Variants in RNF212 observed in about 807,000 individuals in gnomAD.
RNF212 encodes the protein probable E3 SUMO-protein ligase RNF212.
RNF212 carries 33 observed loss-of-function variants against 34.7 expected under a neutral mutation model. That is an observed-to-expected ratio of 0.95 (90% CI 0.72 to 1.27). RNF212 has a LOEUF of 1.27. Among genes scored for constraint, RNF212 ranks in the 50% most tolerant of loss-of-function variants. The probability of loss-of-function intolerance (pLI) is 0.00; values close to 1 mark genes in which losing one functional copy is unlikely to be tolerated. For synonymous variants in RNF212, 140 were observed against 136.1 expected (o/e 1.03, Z -0.20); for missense variants, 377 against 362.2 (o/e 1.04, Z -0.33).
rs545009041 is a variant in RNF212, at chr4:1,091,768, G to T, written c.247-930C>A. Among the ~76,000 whole-genome samples the T allele has an allele frequency of 3.3e-5, 5 of 152,324 alleles. 1 individual carries two copies. In the South Asian group the frequency reaches 8.3e-4, roughly 25 times the overall value. On this transcript the variant is annotated intron_variant, in intron 3 of 9. Transcript: ENST00000433731. ...GGGGCTGCACAGGGGCCCTCCTCCA[G>T]GACAGCAGGGATGACAGCCTCGCGG...
At chr4:1,108,431 T>C in intron 1 of RNF212, 27 bp from the exon 2 acceptor site, 1 of 1,231,582 alleles carries the variant, frequency 8.1e-7, no homozygotes, top group Non-Finnish European at 1.1e-6. Flanking sequence ...GGCTTTATTA[T>C]ATTAGACTGA....
intron 2 of RNF212, chr4:1,101,125 A>G (rs888262850): frequency 6.0e-6 from 1 of 167,252 alleles, no homozygotes; most frequent in Admixed American, 6.2e-5. Flanking sequence ...TGGTGTGACC[A>G]GTATGAGCAT....
intron 3 of RNF212, among the ~76,000 whole-genome samples, chr4:1,058,786 T>C (rs546404444): frequency 2.6e-5 from 4 of 152,314 alleles, no homozygotes; most frequent in Non-Finnish European, 5.9e-5. Flanking sequence ...CCGTGGGCTC[T>C]GCGAGGGGAG....
At chr4:1,111,773 G>A (rs1359413530) in intron 1 of RNF212, among the ~76,000 whole-genome samples, 4 of 152,048 alleles carry the variant, frequency 2.6e-5, no homozygotes, top group South Asian at 2.1e-4. Flanking sequence ...TAAGATCACC[G>A]AAGACAGGAG....
chr4:1,059,799 C>G (rs1409740658), intron 3 of RNF212, among the ~76,000 whole-genome samples: 3 of 152,186 alleles, frequency 2.0e-5, no homozygotes. Context: ...ACTATATGGT[C>G]AGTTGAAATT....
chr4:1,070,008 G>A (rs928028442), downstream of RNF212, among the ~76,000 whole-genome samples: 14 of 151,502 alleles, frequency 9.2e-5, no homozygotes, highest in Non-Finnish European at 1.5e-4. Context: ...CTGTGTCAGC[G>A]TGGACGCCTG....
intron 3 of RNF212, among the ~76,000 whole-genome samples, chr4:1,061,035 C>T (rs969370415): frequency 3.3e-5 from 5 of 152,232 alleles, no homozygotes; most frequent in African/African-American, 1.2e-4. Flanking sequence ...GAAATCAATT[C>T]AAGGCAGACA....
At chr4:1,059,695 A>C (rs1229848690) in intron 3 of RNF212, among the ~76,000 whole-genome samples, 1 of 152,246 alleles carries the variant, frequency 6.6e-6, no homozygotes, top group African/African-American at 2.4e-5. Flanking sequence ...TCAGCCTCAC[A>C]CCAGTGATTA....
downstream of RNF212, among the ~76,000 whole-genome samples, chr4:1,070,813 G>A (rs986109730): frequency 8.5e-5 from 13 of 152,340 alleles, no homozygotes; most frequent in South Asian, 1.9e-3. Context: ...AATGATGACA[G>A]ATTGGGAGCA....
chr4:1,098,667 C>T (rs1435676825), intron 2 of RNF212, among the ~76,000 whole-genome samples: 2 of 152,174 alleles, frequency 1.3e-5, no homozygotes, highest in South Asian at 4.1e-4. Flanking sequence ...CTCTGCACAC[C>T]CTTGACCTGC....
chr4:1,094,620 C>A (rs577230809), intron 3 of RNF212, among the ~76,000 whole-genome samples: 8 of 152,114 alleles, frequency 5.3e-5, no homozygotes, highest in East Asian at 1.9e-4. Context: ...AGGGGCTCAG[C>A]TGCCAGAAGG....
At chr4:1,084,897 C>T (rs1463866197) in intron 5 of RNF212, among the ~76,000 whole-genome samples, 1 of 152,202 alleles carries the variant, frequency 6.6e-6, no homozygotes, top group Non-Finnish European at 1.5e-5. Context: ...AATCCCTTTT[C>T]ACCAGAGGCA....
chr4:1,085,955 C>G lies in RNF212; in HGVS notation c.304-1G>C. On this transcript the variant is annotated splice_acceptor_variant, in intron 4 of 9. Transcript: ENST00000433731. LOFTEE classifies it high-confidence loss of function. ...TAAGGGATTCTTCCAACCTAGAAATCTAAACATAATTACACAACCTCTTGT... is the reference window on the plus strand; with the variant it reads ...TAAGGGATTCTTCCAACCTAGAAATGTAAACATAATTACACAACCTCTTGT... 1 of 1,603,480 alleles carries G rather than the reference C, an allele frequency of 6.2e-7. No individual in the cohort carries two copies. Among genetic ancestry groups the G allele is most frequent in the Non-Finnish European group, 8.5e-7 (1 of 1,171,166 alleles).
intron 1 of RNF212, among the ~76,000 whole-genome samples, chr4:1,110,097 A>T (rs1262206503): frequency 6.6e-6 from 1 of 152,214 alleles, no homozygotes; most frequent in African/African-American, 2.4e-5. Context: ...GACTCATAAA[A>T]ATCGAAAAGT....
At chr4:1,112,610 C>T (rs1450672669) in intron 1 of RNF212, among the ~76,000 whole-genome samples, 1 of 151,810 alleles carries the variant, frequency 6.6e-6, no homozygotes, top group Non-Finnish European at 1.5e-5. Flanking sequence ...CCCGCTTCTC[C>T]CCCAGGTCCT....
chr4:1,061,791 G>A (rs77401800), intron 3 of RNF212, among the ~76,000 whole-genome samples: 2,272 of 152,306 alleles, frequency 0.015, 60 homozygotes, highest in African/African-American at 0.052. Flanking sequence ...AAATACCCAA[G>A]CAAACAAAAA....
intron 3 of RNF212, among the ~76,000 whole-genome samples, chr4:1,063,789 G>A (rs963364964): frequency 1.3e-5 from 2 of 151,706 alleles, no homozygotes; most frequent in Admixed American, 6.6e-5. Flanking sequence ...TGGGAGGATT[G>A]ATTGAGCCCA....
At chr4:1,099,391 G>C (rs1723569491) in intron 2 of RNF212, among the ~76,000 whole-genome samples, 1 of 152,224 alleles carries the variant, frequency 6.6e-6, no homozygotes, top group African/African-American at 2.4e-5. Flanking sequence ...GAGGCAGCGA[G>C]GAGCAGGGAA....
intron 8 of RNF212, among the ~76,000 whole-genome samples, 187 bp downstream of exon 8, chr4:1,079,456 G>A (rs978716925): frequency 1.3e-5 from 2 of 152,260 alleles, no homozygotes; most frequent in African/African-American, 4.8e-5. Context: ...CAGAACAGGA[G>A]CGTTCTCATG....
Sources: allele counts gnomAD v4.1 joint callset (sites outside exome capture counted in the v4.1 genomes callset), GRCh38; gene constraint gnomAD v4.1.1; transcripts MANE v1.5; gene names NCBI Gene and HGNC (gene_info 2026-07-23, HGNC 2026-07-21).